The following MAD1L1 variants were observed in gnomAD, a reference collection of about 807,000 sequenced individuals.
The protein encoded by MAD1L1 is mitotic arrest deficient 1 like 1.
A neutral mutation model predicts 96.9 loss-of-function variants in MAD1L1; 95 were observed. The observed-to-expected ratio is 0.98, with a 90% confidence interval of 0.83 to 1.16. The LOEUF is 1.16. Ranked by LOEUF, MAD1L1 falls within the 50% of genes most tolerant of loss-of-function variation. MAD1L1 has a pLI of 0.00. For missense variants in MAD1L1, 1,007 were observed against 954.4 expected (o/e 1.06, Z -0.73); for synonymous variants, 473 against 396.6 (o/e 1.19, Z -2.29).
At chr7:2,081,314 A>C (rs1337113693) in intron 11 of MAD1L1, among the ~76,000 whole-genome samples, 1 of 152,198 alleles carries the variant, frequency 6.6e-6, no homozygotes, top group African/African-American at 2.4e-5. Context: ...TCTGGATCAT[A>C]GGTTCTAGCG....
At chr7:1,899,192 G>A (rs566739007) in intron 17 of MAD1L1, among the ~76,000 whole-genome samples, 4 of 152,364 alleles carry the variant, frequency 2.6e-5, no homozygotes, top group African/African-American at 7.2e-5. Context: ...AGAGCCATCA[G>A]GAGGATAACA....
At chr7:1,902,553 G>C (rs1787309546) in intron 17 of MAD1L1, among the ~76,000 whole-genome samples, 1 of 152,256 alleles carries the variant, frequency 6.6e-6, no homozygotes, top group South Asian at 2.1e-4. Flanking sequence ...ACCTTTTAAA[G>C]GTACCGACGG....
chr7:1,876,625 A>G (rs541585330), intron 18 of MAD1L1, among the ~76,000 whole-genome samples: 93 of 152,098 alleles, frequency 6.1e-4, no homozygotes, highest in Non-Finnish European at 1.2e-3. Flanking sequence ...ATTTTTATAT[A>G]TATGCTTAAA....
intron 12 of MAD1L1, among the ~76,000 whole-genome samples, chr7:2,041,989 G>A (rs1454561339): frequency 6.6e-6 from 1 of 152,092 alleles, no homozygotes; most frequent in Non-Finnish European, 1.5e-5. Flanking sequence ...AGCTCCCTGG[G>A]AAAGCAGCAA....
intron 12 of MAD1L1, among the ~76,000 whole-genome samples, chr7:2,068,642 A>G (rs1233160787): frequency 2.0e-5 from 3 of 152,152 alleles, no homozygotes; most frequent in African/African-American, 7.2e-5. Flanking sequence ...TTCAGTGCCC[A>G]AGGAACATTT....
chr7:1,899,094 CCT>C (rs1413596453), intron 17 of MAD1L1, among the ~76,000 whole-genome samples: 1 of 152,206 alleles, frequency 6.6e-6, no homozygotes, highest in Non-Finnish European at 1.5e-5. Context: ...GCCCACTGCC[CCT>C]GACATGGCTC....
At chr7:2,085,173 C>G (rs1271008789) in intron 11 of MAD1L1, among the ~76,000 whole-genome samples, 1 of 152,232 alleles carries the variant, frequency 6.6e-6, no homozygotes, top group African/African-American at 2.4e-5. Context: ...AACCGTAACT[C>G]CACGCTCACC....
At chr7:2,026,121 G>A (rs373524437) in intron 12 of MAD1L1, among the ~76,000 whole-genome samples, 6 of 152,118 alleles carry the variant, frequency 3.9e-5, no homozygotes, top group Non-Finnish European at 8.8e-5. Flanking sequence ...AAAATGAAAA[G>A]TGAAAAAGTA....
intron 18 of MAD1L1, among the ~76,000 whole-genome samples, chr7:1,844,846 A>AGT (rs60509822): frequency 0.048 from 7,218 of 151,348 alleles, 375 homozygotes; most frequent in African/African-American, 0.13. Context: ...CCAGCACCTG[A>AGT]GCGTGTCCTC....
chr7:1,838,466 G>T (rs887292805), intron 18 of MAD1L1: 1 of 277,044 alleles, frequency 3.6e-6, no homozygotes, highest in African/African-American at 2.2e-5. Flanking sequence ...AACAACCATG[G>T]TCTATCCACA....
In MAD1L1 at chr7:1,957,731, G is replaced by C; in HGVS notation, c.1506-12C>G. On this transcript the variant is annotated splice_polypyrimidine_tract_variant and intron_variant, in intron 15 of 18. Transcript: ENST00000265854. ...CCTCGACCTTCAACCTGCAAGGACAGCAAGACGGTGACCAGGTGTCCGAGG... is the reference window on the plus strand; with the variant it reads ...CCTCGACCTTCAACCTGCAAGGACACCAAGACGGTGACCAGGTGTCCGAGG... 6.2e-7 allele frequency: 1 copy of C among 1,613,612 alleles called. No homozygotes were observed. The highest frequency in any genetic ancestry group is 8.5e-7 in the Non-Finnish European group (1 of 1,179,592).
chr7:1,822,727 A>AGTTTTT (rs1280603376), intron 18 of MAD1L1, among the ~76,000 whole-genome samples: 2 of 134,564 alleles, frequency 1.5e-5, no homozygotes, highest in African/African-American at 5.5e-5. Context: ...CCCGGCCAGC[A>AGTTTTT]TTTTTTTTTT....
chr7:1,874,437 C>T (rs923428633), intron 18 of MAD1L1: 52 of 437,550 alleles, frequency 1.2e-4, no homozygotes, highest in Non-Finnish European at 2.1e-4. Flanking sequence ...GGGTAGCACC[C>T]GCCGTGGCCA....
intron 11 of MAD1L1, among the ~76,000 whole-genome samples, chr7:2,075,723 T>C (rs543309883): frequency 6.6e-6 from 1 of 152,264 alleles, no homozygotes; most frequent in South Asian, 2.1e-4. Context: ...GGCCTAAGAA[T>C]ACCGACTTTC....
intron 10 of MAD1L1, among the ~76,000 whole-genome samples, chr7:2,189,859 G>GA (rs1791637332): frequency 6.6e-6 from 1 of 152,178 alleles, no homozygotes; most frequent in Non-Finnish European, 1.5e-5. Flanking sequence ...TCAACCTGAT[G>GA]AACAGTATCT....
At chr7:1,952,954 C>A (rs1438844149) in intron 16 of MAD1L1, among the ~76,000 whole-genome samples, 1 of 152,230 alleles carries the variant, frequency 6.6e-6, no homozygotes, top group Non-Finnish European at 1.5e-5. Flanking sequence ...TACAGGGACA[C>A]GACCCCAGCC....
intron 16 of MAD1L1, among the ~76,000 whole-genome samples, chr7:1,957,096 G>A (rs1307049018): frequency 6.6e-6 from 1 of 152,224 alleles, no homozygotes; most frequent in African/African-American, 2.4e-5. Context: ...CAGGTCCTAG[G>A]CTGAGGACAG....
At chr7:2,133,818 T>C (rs908649606) in intron 11 of MAD1L1, among the ~76,000 whole-genome samples, 3 of 152,232 alleles carry the variant, frequency 2.0e-5, no homozygotes, top group African/African-American at 4.8e-5. Context: ...GAGCTGCCTT[T>C]GCTCTGCGGT....
At chr7:2,064,617 A>AGGAGGACAGAGGCTTCTCCTG (rs927242184) in intron 12 of MAD1L1, among the ~76,000 whole-genome samples, 6 of 151,950 alleles carry the variant, frequency 3.9e-5, no homozygotes, top group South Asian at 2.1e-4. Context: ...AGCTTCTCCC[A>AGGAGGACAGAGGCTTCTCCTG]GGAGGACAGA....
Sources: allele counts gnomAD v4.1 joint callset (sites outside exome capture counted in the v4.1 genomes callset), GRCh38; gene constraint gnomAD v4.1.1; transcripts MANE v1.5; gene names NCBI Gene and HGNC (gene_info 2026-07-23, HGNC 2026-07-21).